Variants in ADAMTSL1 observed in about 807,000 individuals in gnomAD.
The protein encoded by ADAMTSL1 is ADAMTS-like protein 1.
ADAMTSL1 carries 126 observed loss-of-function variants against 201.8 expected under a neutral mutation model. That is an observed-to-expected ratio of 0.62 (90% CI 0.54 to 0.72). The LOEUF is 0.72. Ranked by LOEUF, ADAMTSL1 falls within the 30% of genes least tolerant of loss-of-function variation. ADAMTSL1 has a pLI of 0.00. For missense variants in ADAMTSL1, 2,679 were observed against 2,277.8 expected (o/e 1.18, Z -3.59); for synonymous variants, 1,121 against 903.4 (o/e 1.24, Z -4.32).
At chr9:17,951,525 A>T (rs144245826) in intron 1 of ADAMTSL1, among the ~76,000 whole-genome samples, 3 of 152,156 alleles carry the variant, frequency 2.0e-5, no homozygotes, top group East Asian at 1.9e-4. Context: ...CATGGTTTTA[A>T]TGTACCTTTC....
At chr9:18,576,463 G>A (rs541684901) in intron 4 of ADAMTSL1, among the ~76,000 whole-genome samples, 21 of 152,146 alleles carry the variant, frequency 1.4e-4, no homozygotes, top group Non-Finnish European at 2.9e-4. Flanking sequence ...TCATTCATAT[G>A]CACTAATTTA....
intron 2 of ADAMTSL1, among the ~76,000 whole-genome samples, chr9:18,379,453 T>C (rs2133172080): frequency 6.6e-6 from 1 of 152,336 alleles, no homozygotes; most frequent in East Asian, 1.9e-4. Flanking sequence ...TCCACTGTTT[T>C]TGCTATTGCC....
At chr9:18,239,504 C>G (rs1334087074) in intron 2 of ADAMTSL1, among the ~76,000 whole-genome samples, 2 of 151,934 alleles carry the variant, frequency 1.3e-5, no homozygotes, top group Non-Finnish European at 2.9e-5. Flanking sequence ...TTTGGGAGGC[C>G]GAGGCAAGTG....
At chr9:18,393,429 C>G (rs887518217) in intron 2 of ADAMTSL1, among the ~76,000 whole-genome samples, 2 of 152,292 alleles carry the variant, frequency 1.3e-5, no homozygotes, top group South Asian at 2.1e-4. Context: ...AGTTTTAGCA[C>G]TAAGAGTTCC....
At chr9:18,248,708 C>A (rs10963536) in intron 2 of ADAMTSL1, among the ~76,000 whole-genome samples, 1 of 152,110 alleles carries the variant, frequency 6.6e-6, no homozygotes, top group Admixed American at 6.5e-5. Flanking sequence ...TCGTCCATTG[C>A]GGGGGGCCAT....
chr9:18,109,402 T>G (rs527722346), intron 1 of ADAMTSL1, among the ~76,000 whole-genome samples: 1 of 152,228 alleles, frequency 6.6e-6, no homozygotes, highest in South Asian at 2.1e-4. Flanking sequence ...ACTGCAGTAC[T>G]TCTGTGTATC....
chr9:18,145,246 C>G (rs889254401), intron 1 of ADAMTSL1, among the ~76,000 whole-genome samples: 1 of 152,180 alleles, frequency 6.6e-6, no homozygotes, highest in African/African-American at 2.4e-5. Flanking sequence ...CGTTCTTAAG[C>G]AATACCCCAT....
Position 18,617,706 on chromosome 9 carries a change from C to A in ADAMTSL1, c.475-4537C>A, listed in dbSNP as rs547162578. On this transcript the variant is annotated intron_variant, in intron 4 of 28. Coordinates refer to ENST00000380548, the MANE Select transcript of ADAMTSL1 (RefSeq NM_001040272.6). ...GATATGAAAGCAGAAATTGATAACC[C>A]ACTAGTGGTATCTAAACAATGAAAA... Among the ~76,000 whole-genome samples, 5 of 152,172 alleles carry A rather than the reference C, an allele frequency of 3.3e-5. No individual in the cohort carries two copies. The South Asian group carries it at 1.0e-3, about 32-fold the overall frequency.
intron 2 of ADAMTSL1, among the ~76,000 whole-genome samples, chr9:18,222,453 G>A (rs970096320): frequency 2.0e-5 from 3 of 151,482 alleles, no homozygotes; most frequent in Non-Finnish European, 4.4e-5. Flanking sequence ...CATCATCTAA[G>A]GTTAATAAAT....
chr9:18,891,206 T>TG lies in ADAMTSL1; in HGVS notation c.4644-1182dup, dbSNP rs1829246152. On this transcript the variant is annotated intron_variant, in intron 25 of 28. Coordinates refer to ENST00000380548, the MANE Select transcript of ADAMTSL1 (RefSeq NM_001040272.6). ...TAGGACGAAGCCATAGGTTCACCTTTGACCCGTTTGCCTGCCAGGCATTTG... is the reference window on the plus strand; with the variant it reads ...TAGGACGAAGCCATAGGTTCACCTTTGGACCCGTTTGCCTGCCAGGCATTTG... Among the ~76,000 whole-genome samples, 3 of 152,254 alleles carry TG rather than the reference T, an allele frequency of 2.0e-5. No homozygotes were observed. In the South Asian group the frequency reaches 6.2e-4, roughly 31 times the overall value.
intron 2 of ADAMTSL1, among the ~76,000 whole-genome samples, chr9:18,392,571 A>G (rs781276048): frequency 1.3e-5 from 2 of 152,144 alleles, no homozygotes; most frequent in African/African-American, 2.4e-5. Context: ...TGAAACTTCT[A>G]TCTTTGGCCC....
intron 1 of ADAMTSL1, among the ~76,000 whole-genome samples, chr9:18,158,142 T>C (rs951776079): frequency 2.6e-5 from 4 of 151,980 alleles, no homozygotes; most frequent in African/African-American, 9.7e-5. Flanking sequence ...GCCAGAGGTT[T>C]GGGTGTGTTT....
chr9:18,883,809 C>G (rs905322649), intron 23 of ADAMTSL1, among the ~76,000 whole-genome samples: 13 of 152,166 alleles, frequency 8.5e-5, no homozygotes, highest in Admixed American at 5.9e-4. Context: ...TGTTTATCTA[C>G]CCATTGATTA....
intron 27 of ADAMTSL1, among the ~76,000 whole-genome samples, 197 bp downstream of exon 27, chr9:18,906,088 C>G (rs1177955916): frequency 6.6e-6 from 1 of 152,166 alleles, no homozygotes; most frequent in African/African-American, 2.4e-5. Flanking sequence ...ATCTAATGGG[C>G]TAGGCTGGGC....
At chr9:18,639,502 C>T in intron 7 of ADAMTSL1, 91 bp downstream of exon 7, 1 of 1,478,842 alleles carries the variant, frequency 6.8e-7, no homozygotes, top group African/African-American at 1.4e-5. Context: ...TTGGTTCTGA[C>T]ATATGTTTGG....
intron 2 of ADAMTSL1, among the ~76,000 whole-genome samples, chr9:18,413,192 A>G (rs906858399): frequency 7.7e-5 from 11 of 143,346 alleles, no homozygotes; most frequent in African/African-American, 2.6e-4. Flanking sequence ...CTTATTGCCC[A>G]GTCTGAAGTG....
intron 28 of ADAMTSL1, chr9:18,907,872 T>C: frequency 6.0e-6 from 1 of 166,282 alleles, no homozygotes; most frequent in Non-Finnish European, 1.3e-5. Flanking sequence ...GTCCTGGTGC[T>C]GTGTTTAAGG....
chr9:18,365,251 T>C (rs1185407141), intron 2 of ADAMTSL1, among the ~76,000 whole-genome samples: 1 of 152,236 alleles, frequency 6.6e-6, no homozygotes, highest in African/African-American at 2.4e-5. Flanking sequence ...TAGTGAATTA[T>C]AGATGTACTT....
chr9:18,396,193 C>T (rs1180390330), intron 2 of ADAMTSL1, among the ~76,000 whole-genome samples: 1 of 152,170 alleles, frequency 6.6e-6, no homozygotes, highest in Non-Finnish European at 1.5e-5. Flanking sequence ...CCTGCCTTTG[C>T]ACAGTCCCAG....
Sources: allele counts gnomAD v4.1 joint callset (sites outside exome capture counted in the v4.1 genomes callset), GRCh38; gene constraint gnomAD v4.1.1; transcripts MANE v1.5; gene names NCBI Gene and HGNC (gene_info 2026-07-23, HGNC 2026-07-21).